ASTN2: variants seen among roughly 807,000 people sequenced by gnomAD.
The protein encoded by ASTN2 is astrotactin-2.
Under a neutral mutation model 139.8 loss-of-function variants are expected in ASTN2, and 54 were observed. The observed-to-expected ratio is 0.39, with a 90% CI of 0.31 to 0.48. The LOEUF is 0.48. ASTN2 is among the 20% of genes least tolerant of loss of function. The pLI is 0.95. For missense variants in ASTN2, 1,565 were observed against 1,725.1 expected (o/e 0.91, Z 1.64); for synonymous variants, 756 against 719.5 (o/e 1.05, Z -0.81).
At chr9:117,145,128 T>C (rs1438913988) in intron 3 of ASTN2, among the ~76,000 whole-genome samples, 1 of 152,156 alleles carries the variant, frequency 6.6e-6, no homozygotes, top group Non-Finnish European at 1.5e-5. Flanking sequence ...AGTTTTTCTA[T>C]ATGGAAACCT....
At chr9:116,531,167 A>T (rs1564346551) in intron 19 of ASTN2, among the ~76,000 whole-genome samples, 1 of 152,136 alleles carries the variant, frequency 6.6e-6, no homozygotes, top group Non-Finnish European at 1.5e-5. Context: ...CTGTCGATGG[A>T]AACACTTATC....
chr9:116,733,839 T>C (rs1029760308), intron 13 of ASTN2, among the ~76,000 whole-genome samples: 3 of 152,170 alleles, frequency 2.0e-5, no homozygotes, highest in Non-Finnish European at 2.9e-5. Flanking sequence ...TTGTAAGCAC[T>C]TAATGGGAAA....
At chr9:116,579,900 C>T (rs569753039) in intron 19 of ASTN2, among the ~76,000 whole-genome samples, 50 of 152,226 alleles carry the variant, frequency 3.3e-4, no homozygotes, top group Admixed American at 2.0e-3. Flanking sequence ...CTGCTCACTG[C>T]AACCTCCGCC....
intron 7 of ASTN2, among the ~76,000 whole-genome samples, chr9:117,003,940 A>ACGCGCGCGCGCG (rs772588901): frequency 6.9e-6 from 1 of 144,538 alleles, no homozygotes; most frequent in African/African-American, 2.7e-5. Flanking sequence ...TGTTTCTTTC[A>ACGCGCGCGCGCG]CGCGCGCGCG....
intron 20 of ASTN2, among the ~76,000 whole-genome samples, chr9:116,486,750 T>G (rs1379165053): frequency 1.3e-5 from 2 of 152,176 alleles, no homozygotes; most frequent in Admixed American, 6.5e-5. Context: ...ATGAGCTCCT[T>G]TTCTCTTCCA....
chr9:117,265,724 C>T (rs894815205), intron 2 of ASTN2, among the ~76,000 whole-genome samples: 1 of 151,930 alleles, frequency 6.6e-6, no homozygotes, highest in African/African-American at 2.4e-5. Context: ...AAAGAACATT[C>T]AAGTGCTTTA....
intron 6 of ASTN2, among the ~76,000 whole-genome samples, chr9:117,026,183 C>T (rs895485033): frequency 2.6e-5 from 4 of 152,020 alleles, no homozygotes; most frequent in Admixed American, 1.3e-4. Context: ...GATGCTGGTG[C>T]TTCAGCGGAA....
chr9:116,492,425 G>A (rs1160025925), intron 19 of ASTN2, among the ~76,000 whole-genome samples: 1 of 152,056 alleles, frequency 6.6e-6, no homozygotes, highest in East Asian at 1.9e-4. Flanking sequence ...GTAGAGATAA[G>A]GACTCTTAAA....
intron 20 of ASTN2, among the ~76,000 whole-genome samples, chr9:116,486,771 T>C (rs1427876172): frequency 6.6e-6 from 1 of 152,144 alleles, no homozygotes; most frequent in Non-Finnish European, 1.5e-5. Flanking sequence ...GGCTAACAAA[T>C]GAAGCTCAGA....
chr9:117,248,243 C>G (rs16934424), intron 2 of ASTN2, among the ~76,000 whole-genome samples: 6 of 152,104 alleles, frequency 3.9e-5, no homozygotes, highest in African/African-American at 1.4e-4. Context: ...TGAGTACACA[C>G]TTAGGATGCT....
At chr9:116,979,486 T>C (rs1235302883) in intron 7 of ASTN2, among the ~76,000 whole-genome samples, 1 of 152,032 alleles carries the variant, frequency 6.6e-6, no homozygotes. Context: ...CTAAGAGCCT[T>C]GAATGTGGAT....
chr9:116,689,943 T>C (rs1860481557), intron 16 of ASTN2, among the ~76,000 whole-genome samples: 1 of 152,132 alleles, frequency 6.6e-6, no homozygotes, highest in Admixed American at 6.5e-5. Context: ...GTAACTACTG[T>C]TCTGTATGGT....
At chr9:116,681,838 C>G (rs1041561330) in intron 16 of ASTN2, among the ~76,000 whole-genome samples, 3 of 150,726 alleles carry the variant, frequency 2.0e-5, no homozygotes, top group African/African-American at 7.3e-5. Flanking sequence ...AAAGCTGAAA[C>G]TGGATCCCTT....
intron 20 of ASTN2, among the ~76,000 whole-genome samples, chr9:116,477,841 T>G (rs1483258978): frequency 4.7e-5 from 5 of 105,998 alleles, no homozygotes; most frequent in South Asian, 3.3e-4. Flanking sequence ...GGCAACACAG[T>G]GAGATCCCTA....
At chr9:116,790,004 C>A (rs1285769789) in intron 13 of ASTN2, among the ~76,000 whole-genome samples, 1 of 145,366 alleles carries the variant, frequency 6.9e-6, no homozygotes, top group East Asian at 2.0e-4. Context: ...TGGCTCACTG[C>A]AACATCTGCC....
intron 17 of ASTN2, among the ~76,000 whole-genome samples, chr9:116,636,115 A>G (rs751996217): frequency 6.6e-6 from 1 of 152,200 alleles, no homozygotes; most frequent in African/African-American, 2.4e-5. Flanking sequence ...CAGACAAACA[A>G]GGGTTTAAAT....
At chr9:116,973,836 T>C (rs957080385) in intron 10 of ASTN2, among the ~76,000 whole-genome samples, 2 of 152,206 alleles carry the variant, frequency 1.3e-5, no homozygotes, top group African/African-American at 4.8e-5. Context: ...CATCTCTTTA[T>C]AAATCTATTC....
chr9:117,296,182 G>A (rs1036923570), intron 1 of ASTN2, among the ~76,000 whole-genome samples: 104 of 150,140 alleles, frequency 6.9e-4, no homozygotes, highest in African/African-American at 2.4e-3. Flanking sequence ...GAAGGCTGAG[G>A]CAGGAGAATC....
chr9:117,027,721 T>C (rs1838128155), intron 6 of ASTN2, among the ~76,000 whole-genome samples: 1 of 152,220 alleles, frequency 6.6e-6, no homozygotes, highest in South Asian at 2.1e-4. Flanking sequence ...CTGACTCCTG[T>C]CTATATGTCC....
Sources: gnomAD v4.1 joint callset for allele counts (sites outside exome capture counted in the v4.1 genomes callset) on GRCh38, gnomAD v4.1.1 for gene constraint, MANE v1.5 for transcripts, NCBI Gene and HGNC (gene_info 2026-07-23, HGNC 2026-07-21) for gene names.